The following TUSC3 variants were observed in gnomAD, a reference collection of about 807,000 sequenced individuals.
TUSC3 encodes the protein dolichyl-diphosphooligosaccharide--protein glycosyltransferase subunit TUSC3.
TUSC3 carries 45 observed loss-of-function variants against 44.8 expected under a neutral mutation model. The observed-to-expected ratio is 1.00, with a 90% CI of 0.79 to 1.29. The LOEUF (loss-of-function observed/expected upper bound fraction) is 1.29, where lower values mean the gene tolerates loss of function less well. Among genes scored for constraint, TUSC3 ranks in the 50% most tolerant of loss-of-function variants. The probability of loss-of-function intolerance (pLI) is 0.00; values close to 1 mark genes in which losing one functional copy is unlikely to be tolerated. For missense variants in TUSC3, 519 were observed against 437.9 expected, an observed-to-expected ratio of 1.19 and a Z score of -1.65; for synonymous variants, 212 against 152.9, an observed-to-expected ratio of 1.39 and a Z score of -2.85.
At chr8:15,778,471 GA>G in the TUSC3 span, among the ~76,000 whole-genome samples, 3 of 151,938 alleles carry the variant, frequency 2.0e-5, no homozygotes, top group Non-Finnish European at 2.9e-5. Context: ...AACTATTAAT[GA>G]TTTTTTTTTT....
At chr8:15,836,940 A>G in the TUSC3 span, among the ~76,000 whole-genome samples, 2 of 152,206 alleles carry the variant, frequency 1.3e-5, no homozygotes, top group African/African-American at 4.8e-5. Flanking sequence ...ATATAACTGC[A>G]ATTCCCACAT....
chr8:15,547,475 C>G lies in TUSC3; in HGVS notation c.138+6907C>G, dbSNP rs569354794. ...AATTGAATGAAATACCTTAGTATAA[C>G]TTACTGAATTTAATGAACTTGGTGG... On this transcript the variant is annotated intron_variant, in intron 1 of 10. Transcript: ENST00000503731. 1.1e-4 allele frequency among the ~76,000 whole-genome samples: 16 copies of G among 151,544 alleles called. 2 individuals carry two copies. The highest frequency in any genetic ancestry group is 1.3e-4 in the Non-Finnish European group (9 of 67,836).
At chr8:15,752,715 G>A (rs549976620) in intron 9 of TUSC3, among the ~76,000 whole-genome samples, 57 of 152,108 alleles carry the variant, frequency 3.7e-4, no homozygotes, top group African/African-American at 1.3e-3. Context: ...GTAGAAAAAC[G>A]TGATTCGTAT....
chr8:15,644,806 G>T (rs781042432), intron 2 of TUSC3, among the ~76,000 whole-genome samples: 1 of 151,838 alleles, frequency 6.6e-6, no homozygotes, highest in Non-Finnish European at 1.5e-5. Flanking sequence ...TACTGACCCT[G>T]TTTCTACTGA....
At chr8:15,808,089 A>C in the TUSC3 span, among the ~76,000 whole-genome samples, 1 of 152,152 alleles carries the variant, frequency 6.6e-6, no homozygotes, top group Non-Finnish European at 1.5e-5. Context: ...CTAGCTTTTG[A>C]ACATATTATT....
chr8:15,797,488 T>C, the TUSC3 span, among the ~76,000 whole-genome samples: 1 of 152,164 alleles, frequency 6.6e-6, no homozygotes, highest in Non-Finnish European at 1.5e-5. Flanking sequence ...TTTTTCAGGA[T>C]TTATCAGTTA....
At chr8:15,423,954 A>G (rs1166719795) in intron 1 of TUSC3, among the ~76,000 whole-genome samples, 1 of 96,978 alleles carries the variant, frequency 1.0e-5, no homozygotes. Flanking sequence ...TACAGCATTC[A>G]TACTGTTTTG....
At chr8:15,560,589 T>C (rs1242487825) in intron 1 of TUSC3, among the ~76,000 whole-genome samples, 2 of 140,156 alleles carry the variant, frequency 1.4e-5, no homozygotes, top group African/African-American at 5.1e-5. Context: ...GATAATATCC[T>C]GCAGAGTGTT....
intron 9 of TUSC3, among the ~76,000 whole-genome samples, chr8:15,751,743 C>A (rs1369259178): frequency 6.6e-6 from 1 of 152,146 alleles, no homozygotes; most frequent in African/African-American, 2.4e-5. Context: ...TAATTCAGTT[C>A]ATGTATTTGG....
intron 1 of TUSC3, among the ~76,000 whole-genome samples, chr8:15,436,613 G>A (rs181975491): frequency 5.3e-5 from 8 of 152,144 alleles, no homozygotes; most frequent in Admixed American, 3.3e-4. Context: ...TTAATCATGG[G>A]TTCAGATTGT....
chr8:15,814,895 G>T, the TUSC3 span, among the ~76,000 whole-genome samples: 8 of 152,254 alleles, frequency 5.3e-5, no homozygotes, highest in African/African-American at 1.9e-4. Flanking sequence ...TCATAGTAAA[G>T]TTCCTTGCAT....
the TUSC3 span, among the ~76,000 whole-genome samples, chr8:15,834,432 T>A: frequency 6.6e-6 from 1 of 152,154 alleles, no homozygotes; most frequent in African/African-American, 2.4e-5. Flanking sequence ...TCTTTCTGCC[T>A]CCGTGGGAAG....
intron 1 of TUSC3, among the ~76,000 whole-genome samples, chr8:15,467,036 A>G (rs1474365398): frequency 1.3e-5 from 2 of 152,070 alleles, no homozygotes; most frequent in Non-Finnish European, 2.9e-5. Context: ...CATTGCATAT[A>G]GCTAAGGACA....
intron 1 of TUSC3, among the ~76,000 whole-genome samples, chr8:15,423,431 G>C (rs149599770): frequency 6.6e-6 from 1 of 152,284 alleles, no homozygotes; most frequent in Non-Finnish European, 1.5e-5. Context: ...CGTTCCATAA[G>C]TCTGTCGTAA....
upstream of TUSC3, chr8:15,540,243 G>T: frequency 1.2e-6 from 1 of 822,054 alleles, no homozygotes; most frequent in Non-Finnish European, 1.7e-6. Flanking sequence ...GTCTTCTCCC[G>T]GTGAACCGGA....
intron 1 of TUSC3, among the ~76,000 whole-genome samples, chr8:15,593,149 G>C (rs1337530994): frequency 2.0e-5 from 3 of 152,118 alleles, no homozygotes; most frequent in African/African-American, 7.2e-5. Flanking sequence ...GCAGTGGTGT[G>C]ATCTTGGCTC....
At position 15,530,952 on chromosome 8, in the gene TUSC3, C is replaced by G. The variant is rs938328411; in HGVS notation, n.189+47469C>G. ...GTGATGACGAACCTCGGGTGTCACC[C>G]CAGAAAACACTGCTTCAGTATGACC... On this transcript the variant is annotated intron_variant and non_coding_transcript_variant, in intron 2 of 5. Transcript: ENST00000503191. Among the ~76,000 whole-genome samples, 6 of 152,080 alleles carry G rather than the reference C, an allele frequency of 3.9e-5. No individual in the cohort carries two copies. The East Asian group carries it at 7.7e-4, about 20-fold the overall frequency.
chr8:15,827,858 T>C, the TUSC3 span, among the ~76,000 whole-genome samples: 3 of 152,082 alleles, frequency 2.0e-5, no homozygotes, highest in Admixed American at 2.0e-4. Flanking sequence ...CTGTTTGGGA[T>C]GTTGGGATAG....
At chr8:15,674,249 T>A (rs559722376) in intron 6 of TUSC3, among the ~76,000 whole-genome samples, 12 of 152,148 alleles carry the variant, frequency 7.9e-5, no homozygotes, top group Admixed American at 3.3e-4. Context: ...GTGGTCATTG[T>A]ATTAGAATGT....
Sources: allele counts gnomAD v4.1 joint callset (sites outside exome capture counted in the v4.1 genomes callset), GRCh38; gene constraint gnomAD v4.1.1; transcripts MANE v1.5; gene names NCBI Gene and HGNC (gene_info 2026-07-23, HGNC 2026-07-21).